TRIM2: variants seen among roughly 807,000 people sequenced by gnomAD.
TRIM2 encodes tripartite motif-containing protein 2.
A neutral mutation model predicts 75.2 loss-of-function variants in TRIM2; 20 were observed. The ratio of observed to expected loss-of-function variants is 0.27; its 90% confidence interval spans 0.19 to 0.39. TRIM2 has a LOEUF of 0.39. Among genes scored for constraint, TRIM2 ranks in the 10% least tolerant of loss-of-function variants. TRIM2 has a pLI of 1.00. For missense variants in TRIM2, 660 were observed against 990.8 expected, an observed-to-expected ratio of 0.67 and a Z score of 4.48; for synonymous variants, 373 against 388.3, an observed-to-expected ratio of 0.96 and a Z score of 0.46.
At chr4:153,158,975 A>T (rs1729487802) in intron 1 of TRIM2, among the ~76,000 whole-genome samples, 1 of 152,202 alleles carries the variant, frequency 6.6e-6, no homozygotes, top group Non-Finnish European at 1.5e-5. Context: ...AAGGTGTGTG[A>T]CCTTGAGCAA....
At chr4:153,314,604 A>G (rs1272680773) in intron 6 of TRIM2, among the ~76,000 whole-genome samples, 3 of 149,024 alleles carry the variant, frequency 2.0e-5, no homozygotes, top group African/African-American at 7.7e-5. Context: ...CAAATCAAAA[A>G]AAGAATCTAG....
chr4:153,323,373 T>C (rs141241742), intron 9 of TRIM2, among the ~76,000 whole-genome samples: 1 of 152,378 alleles, frequency 6.6e-6, no homozygotes, highest in East Asian at 1.9e-4. Context: ...AAGGATGCTT[T>C]TGGCACTTAG....
chr4:153,305,268 G>T (rs1252380922), intron 6 of TRIM2, among the ~76,000 whole-genome samples: 1 of 152,136 alleles, frequency 6.6e-6, no homozygotes, highest in Non-Finnish European at 1.5e-5. Context: ...CCTTTATAAA[G>T]TTACAAAGTT....
chr4:153,325,611 T>C (rs1769994573), intron 10 of TRIM2, among the ~76,000 whole-genome samples: 1 of 152,230 alleles, frequency 6.6e-6, no homozygotes, highest in Non-Finnish European at 1.5e-5. Flanking sequence ...TCATACTTCC[T>C]ACTCTCACTC....
rs554720649 is a variant in TRIM2 at position 153,267,295 on chromosome 4, A to G, written c.31-3040A>G. 4.6e-5 allele frequency among the ~76,000 whole-genome samples: 7 copies of G among 152,228 alleles called. No homozygotes were observed. In the South Asian group the frequency reaches 1.5e-3, roughly 32 times the overall value. ...AAAAGGCCATGGGTTTTAGAGACAT[A>G]TACTCCTTGGATTTGCATTCTGGTA... On this transcript the variant is annotated intron_variant, in intron 1 of 11. Transcript: ENST00000338700.
chr4:153,260,676 C>A (rs796766314), intron 1 of TRIM2, among the ~76,000 whole-genome samples: 4 of 104,826 alleles, frequency 3.8e-5, no homozygotes, highest in Admixed American at 9.8e-5. Flanking sequence ...ACACACACAC[C>A]CACCCACACA....
intron 1 of TRIM2, among the ~76,000 whole-genome samples, chr4:153,165,514 A>G (rs867909158): frequency 6.6e-6 from 1 of 151,786 alleles, no homozygotes. Flanking sequence ...TTGTTTGTTT[A>G]TAGATATGGA....
chr4:153,221,378 T>G (rs1327400391), intron 1 of TRIM2, among the ~76,000 whole-genome samples: 1 of 152,170 alleles, frequency 6.6e-6, no homozygotes, highest in African/African-American at 2.4e-5. Context: ...CAGTGAGCCA[T>G]GTTTGTGACA....
At chr4:153,180,320 T>C (rs1731921297) in intron 1 of TRIM2, among the ~76,000 whole-genome samples, 1 of 152,178 alleles carries the variant, frequency 6.6e-6, no homozygotes, top group African/African-American at 2.4e-5. Context: ...ACAATACTCC[T>C]AGGTGTTAGT....
intron 3 of TRIM2, among the ~76,000 whole-genome samples, chr4:153,292,054 T>G (rs1034899849): frequency 2.0e-5 from 3 of 152,236 alleles, no homozygotes; most frequent in African/African-American, 7.2e-5. Context: ...CAAAGTGTGG[T>G]CCAGGAACCC....
At chr4:153,268,872 C>T (rs573655359) in intron 1 of TRIM2, among the ~76,000 whole-genome samples, 7 of 152,320 alleles carry the variant, frequency 4.6e-5, no homozygotes, top group African/African-American at 1.7e-4. Flanking sequence ...AATGCCCAGA[C>T]ATGAATACCA....
chr4:153,284,350 A>G (rs1760114372), intron 3 of TRIM2, among the ~76,000 whole-genome samples: 1 of 151,478 alleles, frequency 6.6e-6, no homozygotes, highest in Non-Finnish European at 1.5e-5. Context: ...ACAGGCGCCC[A>G]CCACCATGCC....
chr4:153,328,200 GAAT>G (rs1770667436), intron 10 of TRIM2, among the ~76,000 whole-genome samples: 1 of 152,116 alleles, frequency 6.6e-6, no homozygotes, highest in Admixed American at 6.5e-5. Flanking sequence ...AAGGTGGGAA[GAAT>G]AATATTATTG....
intron 1 of TRIM2, among the ~76,000 whole-genome samples, chr4:153,230,514 T>G (rs1206379564): frequency 6.6e-6 from 1 of 152,138 alleles, no homozygotes; most frequent in East Asian, 1.9e-4. Flanking sequence ...TAGAATTCAG[T>G]TACAAAAACA....
chr4:153,249,641 G>A (rs1210220316), intron 1 of TRIM2, among the ~76,000 whole-genome samples: 1 of 150,598 alleles, frequency 6.6e-6, no homozygotes, highest in Non-Finnish European at 1.5e-5. Context: ...CGGCCCTGGG[G>A]GCCTCTGTTC....
intron 1 of TRIM2, among the ~76,000 whole-genome samples, chr4:153,211,544 GT>G (rs1437854176): frequency 1.3e-5 from 2 of 148,472 alleles, no homozygotes; most frequent in Non-Finnish European, 3.0e-5. Context: ...TTGGAGTGCA[GT>G]GGTGCAATCA....
intron 8 of TRIM2, among the ~76,000 whole-genome samples, chr4:153,317,823 G>A (rs987196262): frequency 1.3e-5 from 2 of 152,094 alleles, no homozygotes; most frequent in Admixed American, 6.5e-5. Context: ...AGCCAGGTGT[G>A]GTTGCACAGG....
chr4:153,241,514 T>A (rs1314058580), intron 1 of TRIM2, among the ~76,000 whole-genome samples: 1 of 151,852 alleles, frequency 6.6e-6, no homozygotes, highest in East Asian at 1.9e-4. Context: ...GGGGGCAGAG[T>A]GATACATAAC....
At chr4:153,160,261 GTT>G (rs1200043994) in intron 1 of TRIM2, among the ~76,000 whole-genome samples, 1 of 152,114 alleles carries the variant, frequency 6.6e-6, no homozygotes, top group Non-Finnish European at 1.5e-5. Context: ...AGTAAGCTGT[GTT>G]ATCTAACACT....
Sources: allele counts gnomAD v4.1 joint callset (sites outside exome capture counted in the v4.1 genomes callset), GRCh38; gene constraint gnomAD v4.1.1; transcripts MANE v1.5; gene names NCBI Gene and HGNC (gene_info 2026-07-23, HGNC 2026-07-21).